ABTB3: variants seen among roughly 807,000 people sequenced by gnomAD.
The protein encoded by ABTB3 is ankyrin repeat and BTB domain containing 3.
At chr12:107,627,193 G>A in the ABTB3 span, among the ~76,000 whole-genome samples, 1 of 152,200 alleles carries the variant, frequency 6.6e-6, no homozygotes, top group African/African-American at 2.4e-5. Flanking sequence ...TGTAGCAACT[G>A]ATTGGGCCTG....
At chr12:107,579,898 A>C in the ABTB3 span, among the ~76,000 whole-genome samples, 2 of 152,220 alleles carry the variant, frequency 1.3e-5, no homozygotes. Context: ...TACTTGGCCC[A>C]CCTAAATCAG....
chr12:107,473,613 C>A, the ABTB3 span, among the ~76,000 whole-genome samples: 3 of 152,022 alleles, frequency 2.0e-5, no homozygotes, highest in Non-Finnish European at 2.9e-5. Flanking sequence ...CTTGGCCTCC[C>A]AAATAGTTTC....
At chr12:107,523,742 G>A in the ABTB3 span, among the ~76,000 whole-genome samples, 1 of 152,154 alleles carries the variant, frequency 6.6e-6, no homozygotes, top group Non-Finnish European at 1.5e-5. Context: ...GAGGCAGAAG[G>A]TCCAAGCAGC....
the ABTB3 span, among the ~76,000 whole-genome samples, chr12:107,462,550 G>A: frequency 6.6e-6 from 1 of 152,002 alleles, no homozygotes; most frequent in Non-Finnish European, 1.5e-5. Flanking sequence ...GGTAGTGATG[G>A]TGATGTAGTG....
chr12:107,353,902 G>A, the ABTB3 span, among the ~76,000 whole-genome samples: 14 of 151,788 alleles, frequency 9.2e-5, no homozygotes, highest in South Asian at 1.0e-3. Context: ...ACCTCCCCTC[G>A]TCCATGGAAA....
the ABTB3 span, chr12:107,657,871 A>AG: frequency 1.4e-6 from 1 of 737,616 alleles, no homozygotes; most frequent in Non-Finnish European, 2.2e-6. Flanking sequence ...TGAAAAACAA[A>AG]GGACTTTCCA....
chr12:107,421,636 G>T, the ABTB3 span, among the ~76,000 whole-genome samples: 5 of 152,196 alleles, frequency 3.3e-5, no homozygotes, highest in African/African-American at 7.2e-5. Context: ...TTTGACAGGG[G>T]TCCACTTTAT....
the ABTB3 span, among the ~76,000 whole-genome samples, chr12:107,382,967 G>A: frequency 9.2e-4 from 140 of 152,142 alleles, 1 homozygote; most frequent in African/African-American, 3.2e-3. Flanking sequence ...AGGGTAGGAG[G>A]GTCCTTGACA....
the ABTB3 span, among the ~76,000 whole-genome samples, chr12:107,646,956 A>G: frequency 2.0e-5 from 3 of 152,156 alleles, no homozygotes; most frequent in Non-Finnish European, 4.4e-5. Context: ...CAGAGGGAAC[A>G]GTGTGGGCAA....
chr12:107,494,767 C>T, the ABTB3 span, among the ~76,000 whole-genome samples: 1 of 152,126 alleles, frequency 6.6e-6, no homozygotes, highest in Non-Finnish European at 1.5e-5. Flanking sequence ...CCAGGTGGCA[C>T]CTCCCCTTCC....
At chr12:107,432,926 T>C in the ABTB3 span, among the ~76,000 whole-genome samples, 1 of 152,174 alleles carries the variant, frequency 6.6e-6, no homozygotes, top group Non-Finnish European at 1.5e-5. Flanking sequence ...CACAGCCCAC[T>C]CATTAACAAG....
chr12:107,512,820 C>A, the ABTB3 span, among the ~76,000 whole-genome samples: 1 of 152,182 alleles, frequency 6.6e-6, no homozygotes, highest in Non-Finnish European at 1.5e-5. Context: ...TCCTCTATGC[C>A]AGGTATTTTC....
chr12:107,592,553 C>T, the ABTB3 span, among the ~76,000 whole-genome samples: 8 of 152,142 alleles, frequency 5.3e-5, no homozygotes, highest in African/African-American at 9.6e-5. Context: ...CAAGTAACAA[C>T]GAAAATAAAT....
the ABTB3 span, among the ~76,000 whole-genome samples, chr12:107,467,613 T>TAC: frequency 0.048 from 7,268 of 151,928 alleles, 275 homozygotes; most frequent in East Asian, 0.2. Context: ...CATGCACTCA[T>TAC]ACACACACAC....
chr12:107,549,211 T>C, the ABTB3 span, among the ~76,000 whole-genome samples: 1 of 152,154 alleles, frequency 6.6e-6, no homozygotes, highest in Non-Finnish European at 1.5e-5. Context: ...TCTTAACAAA[T>C]GGAAGAATTT....
chr12:107,356,810 G>A, the ABTB3 span, among the ~76,000 whole-genome samples: 2 of 152,242 alleles, frequency 1.3e-5, no homozygotes. Flanking sequence ...GTATGAGTCA[G>A]AAGATCTGTC....
chr12:107,356,830 G>A, the ABTB3 span, among the ~76,000 whole-genome samples: 53 of 152,324 alleles, frequency 3.5e-4, 1 homozygote, highest in East Asian at 9.7e-3. Context: ...CAGTGATCCC[G>A]CCAGCTAAAG....
chr12:107,656,162 A>C, the ABTB3 span, among the ~76,000 whole-genome samples: 1 of 151,488 alleles, frequency 6.6e-6, no homozygotes, highest in South Asian at 2.1e-4. Flanking sequence ...ATAGCCGGAC[A>C]TGGTGGCGCA....
the ABTB3 span, among the ~76,000 whole-genome samples, chr12:107,380,291 G>T: frequency 6.6e-6 from 1 of 152,172 alleles, no homozygotes; most frequent in Non-Finnish European, 1.5e-5. Context: ...CTGAATCTCT[G>T]TATAATTTGC....
Sources: allele counts gnomAD v4.1 joint callset (sites outside exome capture counted in the v4.1 genomes callset), GRCh38; gene constraint gnomAD v4.1.1; transcripts MANE v1.5; gene names NCBI Gene and HGNC (gene_info 2026-07-23, HGNC 2026-07-21).